The following DEPDC1B variants were observed in gnomAD, a reference collection of about 807,000 sequenced individuals.
DEPDC1B encodes the protein DEP domain containing 1B, also known as DEP domain-containing protein 1B.
A neutral mutation model predicts 66.5 loss-of-function variants in DEPDC1B; 51 were observed. The ratio of observed to expected loss-of-function variants is 0.77; its 90% CI spans 0.61 to 0.97. The LOEUF is 0.97. DEPDC1B is among the 50% of genes least tolerant of loss of function. The pLI, the probability that DEPDC1B is intolerant of heterozygous loss-of-function variation, is 0.00. For synonymous variants in DEPDC1B, 226 were observed against 223.6 expected (o/e 1.01, Z -0.10); for missense variants, 552 against 637.1 (o/e 0.87, Z 1.44).
At chr5:60,691,906 C>T (rs184069631) in intron 1 of DEPDC1B, among the ~76,000 whole-genome samples, 172 of 152,166 alleles carry the variant, frequency 1.1e-3, no homozygotes, top group Admixed American at 2.3e-3. Flanking sequence ...TTACTATTTA[C>T]AAGAGCTAAG....
intron 1 of DEPDC1B, chr5:60,687,823 G>A (rs1754458133): frequency 1.4e-5 from 3 of 208,022 alleles, no homozygotes; most frequent in Admixed American, 1.2e-4. Flanking sequence ...ACTGCACCCG[G>A]CCTCAAAAAT....
At chr5:60,615,586 G>A (rs910238392) in intron 7 of DEPDC1B, among the ~76,000 whole-genome samples, 5 of 152,232 alleles carry the variant, frequency 3.3e-5, no homozygotes, top group Admixed American at 6.5e-5. Context: ...CAAGGTGGCA[G>A]CCAGGCTGGG....
At chr5:60,674,250 G>A (rs1448910984) in intron 2 of DEPDC1B, among the ~76,000 whole-genome samples, 1 of 152,038 alleles carries the variant, frequency 6.6e-6, no homozygotes, top group African/African-American at 2.4e-5. Context: ...AGAAGAATAA[G>A]CCAAGGATTT....
rs573877378 is a variant in DEPDC1B at position 60,655,508 on chromosome 5, C to T, written c.315-7975G>A. Among the ~76,000 whole-genome samples the T allele has an allele frequency of 1.7e-4, 26 of 149,024 alleles. 3 individuals are homozygous for T. Among genetic ancestry groups the T allele is most frequent in the African/African-American group, 2.8e-4 (11 of 39,630 alleles). ...TGTTTCTAATTGAGCTTATTTGGAT[C>T]GTCTCTCTTTTCTTGGTTAATCTTA... On this transcript the variant is annotated intron_variant, in intron 2 of 10. Coordinates refer to ENST00000265036, the MANE Select transcript of DEPDC1B (RefSeq NM_018369.3).
intron 9 of DEPDC1B, among the ~76,000 whole-genome samples, chr5:60,599,591 T>C (rs1374080950): frequency 6.6e-6 from 1 of 152,224 alleles, no homozygotes; most frequent in Admixed American, 6.5e-5. Flanking sequence ...ATGCTCGTGA[T>C]GGCCTTGATG....
intron 2 of DEPDC1B, among the ~76,000 whole-genome samples, chr5:60,655,415 A>C (rs1206441472): frequency 1.3e-5 from 2 of 148,862 alleles, no homozygotes; most frequent in African/African-American, 2.5e-5. Context: ...TGTGCACATT[A>C]AGGTGTTCCT....
intron 2 of DEPDC1B, among the ~76,000 whole-genome samples, chr5:60,654,111 T>C (rs1461067012): frequency 1.3e-5 from 2 of 149,192 alleles, no homozygotes; most frequent in East Asian, 4.1e-4. Context: ...TACACATAAA[T>C]TTTAGGATTG....
intron 7 of DEPDC1B, among the ~76,000 whole-genome samples, chr5:60,634,369 T>C (rs1752992397): frequency 6.6e-6 from 1 of 152,126 alleles, no homozygotes; most frequent in South Asian, 2.1e-4. Context: ...TTCCAAATGC[T>C]CTTAAAAAAT....
intron 9 of DEPDC1B, among the ~76,000 whole-genome samples, chr5:60,599,515 G>A (rs976081023): frequency 9.2e-5 from 14 of 152,118 alleles, no homozygotes; most frequent in Admixed American, 6.5e-4. Flanking sequence ...AACAAAAAAA[G>A]CTTGTGCCCT....
At chr5:60,616,863 A>C (rs1032005461) in intron 7 of DEPDC1B, among the ~76,000 whole-genome samples, 2 of 152,224 alleles carry the variant, frequency 1.3e-5, no homozygotes, top group African/African-American at 4.8e-5. Flanking sequence ...AAATGAAGGA[A>C]AAAATGTTAA....
At chr5:60,670,428 C>CA (rs373913169) in intron 2 of DEPDC1B, among the ~76,000 whole-genome samples, 41 of 151,724 alleles carry the variant, frequency 2.7e-4, no homozygotes, top group African/African-American at 7.0e-4. Flanking sequence ...AGGAAAGCTA[C>CA]AAAAAAAATG....
intron 2 of DEPDC1B, among the ~76,000 whole-genome samples, chr5:60,681,008 C>T (rs1754284189): frequency 6.6e-6 from 1 of 152,206 alleles, no homozygotes; most frequent in East Asian, 1.9e-4. Flanking sequence ...ATCTTTACAA[C>T]TAGGATACTA....
At chr5:60,699,444 A>G (rs1218163596) in intron 1 of DEPDC1B, among the ~76,000 whole-genome samples, 3 of 42,542 alleles carry the variant, frequency 7.1e-5, no homozygotes, top group South Asian at 1.0e-3. Flanking sequence ...TTTCTCCCAG[A>G]AAAAAAAAAA....
At chr5:60,606,721 A>G (rs1053498092) in intron 7 of DEPDC1B, among the ~76,000 whole-genome samples, 1 of 149,588 alleles carries the variant, frequency 6.7e-6, no homozygotes, top group East Asian at 2.0e-4. Flanking sequence ...TGAGCCCAGG[A>G]GTTTGAGGTT....
At position 60,668,653 on chromosome 5, in the gene DEPDC1B, C is replaced by T. The variant is rs114679007; in HGVS notation, c.314+18309G>A. ...AGAAAGGCAAAACACATGAACCAGG[C>T]ATTTCCAGATGTGGAATTAGGAACG... On this transcript the variant is annotated intron_variant, in intron 2 of 10. Transcript: ENST00000265036. Among the ~76,000 whole-genome samples, 1,161 of 152,176 alleles carry T rather than the reference C, an allele frequency of 7.6e-3. 15 individuals carry two copies. Among genetic ancestry groups the T allele is most frequent in the African/African-American group, 0.026 (1,074 of 41,514 alleles).
intron 7 of DEPDC1B, among the ~76,000 whole-genome samples, chr5:60,618,293 A>C (rs920330715): frequency 6.6e-6 from 1 of 152,220 alleles, no homozygotes; most frequent in African/African-American, 2.4e-5. Context: ...AGATCAGAGC[A>C]GAACTGAAGG....
At position 60,645,635 on chromosome 5, in the gene DEPDC1B, T is replaced by C; in HGVS notation, c.451-16A>G. ...TCTCAGAATTCTAATGGAGGGGGGATGTAAGAAGGGAGGGAAGGAGAAACG... is the reference window on the plus strand; with the variant it reads ...TCTCAGAATTCTAATGGAGGGGGGACGTAAGAAGGGAGGGAAGGAGAAACG... On this transcript the variant is annotated splice_polypyrimidine_tract_variant and intron_variant, in intron 3 of 10. Coordinates refer to ENST00000265036, the MANE Select transcript of DEPDC1B (RefSeq NM_018369.3). The C allele has an allele frequency of 4.4e-6, 7 of 1,596,920 alleles. No homozygotes were observed. The highest frequency in any genetic ancestry group is 6.0e-6 in the Non-Finnish European group (7 of 1,171,876).
intron 5 of DEPDC1B, 63 bp from the exon 6 acceptor site, chr5:60,642,922 G>A: frequency 7.9e-7 from 1 of 1,273,276 alleles, no homozygotes; most frequent in Non-Finnish European, 1.1e-6. Flanking sequence ...TACATACTTG[G>A]TATCATAAGA....
chr5:60,603,846 T>TAC (rs1554050472), intron 8 of DEPDC1B, among the ~76,000 whole-genome samples: 83 of 134,390 alleles, frequency 6.2e-4, no homozygotes, highest in Non-Finnish European at 7.7e-4. Flanking sequence ...TATATATATA[T>TAC]ACACACACAT....
Sources: gnomAD v4.1 joint callset for allele counts (sites outside exome capture counted in the v4.1 genomes callset) on GRCh38, gnomAD v4.1.1 for gene constraint, MANE v1.5 for transcripts, NCBI Gene and HGNC (gene_info 2026-07-23, HGNC 2026-07-21) for gene names.